LYST: variants seen among roughly 807,000 people sequenced by gnomAD.
LYST encodes lysosomal-trafficking regulator.
Under a neutral mutation model 413.6 loss-of-function variants are expected in LYST, and 192 were observed. That is an observed-to-expected ratio of 0.46 (90% CI 0.41 to 0.52). LYST has a LOEUF of 0.52. Among genes scored for constraint, LYST ranks in the 20% least tolerant of loss-of-function variants. The pLI is 0.00. For synonymous variants in LYST, 1,525 were observed against 1,567.3 expected, an observed-to-expected ratio of 0.97 and a Z score of 0.64; for missense variants, 3,815 against 4,499.9, an observed-to-expected ratio of 0.85 and a Z score of 4.35.
chr1:235,826,656 G>C (rs1011172299), intron 3 of LYST, among the ~76,000 whole-genome samples: 1 of 152,160 alleles, frequency 6.6e-6, no homozygotes, highest in Non-Finnish European at 1.5e-5. Context: ...GATCTGGGTG[G>C]TGATGACACA....
At chr1:235,852,750 T>A (rs1678689425) in intron 1 of LYST, among the ~76,000 whole-genome samples, 1 of 152,172 alleles carries the variant, frequency 6.6e-6, no homozygotes, top group African/African-American at 2.4e-5. Context: ...TACAATCAAC[T>A]TTCAGAGAGT....
chr1:235,776,623 C>T (rs1464790589), intron 17 of LYST, among the ~76,000 whole-genome samples: 1 of 151,912 alleles, frequency 6.6e-6, no homozygotes, highest in Non-Finnish European at 1.5e-5. Flanking sequence ...GAAAATGGTA[C>T]TTATGGCCTG....
chr1:235,816,727 T>C (rs533846333), intron 3 of LYST, among the ~76,000 whole-genome samples: 26 of 151,994 alleles, frequency 1.7e-4, no homozygotes, highest in African/African-American at 6.0e-4. Flanking sequence ...CAGAGACCGA[T>C]GGAACAGAAT....
intron 24 of LYST, among the ~76,000 whole-genome samples, chr1:235,757,048 G>A (rs187843528): frequency 6.4e-4 from 97 of 152,158 alleles, no homozygotes; most frequent in African/African-American, 2.3e-3. Context: ...GGGACTTAAA[G>A]CTGGATGATG....
intron 20 of LYST, among the ~76,000 whole-genome samples, chr1:235,769,894 C>A (rs1323935658): frequency 1.3e-5 from 2 of 152,036 alleles, no homozygotes; most frequent in Non-Finnish European, 2.9e-5. Flanking sequence ...AACTATTATT[C>A]TATCCCAACA....
intron 20 of LYST, among the ~76,000 whole-genome samples, chr1:235,769,116 G>T (rs1425110826): frequency 6.6e-6 from 1 of 152,038 alleles, no homozygotes; most frequent in Non-Finnish European, 1.5e-5. Flanking sequence ...TATGTACATA[G>T]TGTATAAAGG....
intron 50 of LYST, among the ~76,000 whole-genome samples, chr1:235,672,104 G>A (rs1221810361): frequency 6.6e-6 from 1 of 152,174 alleles, no homozygotes; most frequent in East Asian, 1.9e-4. Context: ...GGTGAATTCT[G>A]AAATTCAGAG....
intron 24 of LYST, among the ~76,000 whole-genome samples, chr1:235,755,998 A>AATCTATATCTAT (rs59482097): frequency 0.015 from 2,179 of 142,826 alleles, 21 homozygotes; most frequent in East Asian, 0.047. Flanking sequence ...TCTCTCTGCA[A>AATCTATATCTAT]ATCTATATCT....
rs763749796 is a variant in LYST at position 235,777,160 on chromosome 1, T to C, written c.5363A>G (p.His1788Arg). ...KEVQSILLEPHHLKNLQPTEY... is the reference protein window; with the variant it reads ...KEVQSILLEPRHLKNLQPTEY... Reference sequence around the variant, plus strand: ...AGTAGGTTGGAGATTCTTTAGATGATGAGGTTCTAATAAGATGCTCTGAAC... The same window carrying C: ...AGTAGGTTGGAGATTCTTTAGATGACGAGGTTCTAATAAGATGCTCTGAAC... The change falls in exon 17 of 53, where the codon CAT (histidine) becomes CGT (arginine). Residue 1788 changes from histidine to arginine, a missense_variant. Around this residue, in one of 4 missense-constraint regions of LYST, gnomAD observed 530 missense variants for 696.5 expected, o/e 0.76. Coordinates refer to ENST00000389793, the MANE Select transcript of LYST (RefSeq NM_000081.4). The C allele has an allele frequency of 1.1e-5, 17 of 1,613,686 alleles. No homozygotes were observed. The highest frequency in any genetic ancestry group is 1.3e-5 in the African/African-American group (1 of 75,036).
At chr1:235,738,389 T>C in intron 31 of LYST, 1 of 1,613,380 alleles carries the variant, frequency 6.2e-7, no homozygotes, top group Non-Finnish European at 8.5e-7. Context: ...CAGCCCGAAC[T>C]GCAAGTTGCT....
At chr1:235,815,593 G>C (rs1489187036) in intron 3 of LYST, among the ~76,000 whole-genome samples, 3 of 152,086 alleles carry the variant, frequency 2.0e-5, no homozygotes, top group Non-Finnish European at 4.4e-5. Flanking sequence ...AAAGTCTTAG[G>C]CTACAAAATC....
rs1034671814 is a variant in LYST at position 235,791,568 on chromosome 1, CA to C, written c.4543+130del. 60 of 782,436 alleles carry C rather than the reference CA, an allele frequency of 7.7e-5. No individual in the cohort carries two copies. In the African/African-American group the frequency reaches 8.8e-4, roughly 11 times the overall value. The allele number at this position is 782,436 out of a possible 1,614,324, so 48.5% of individuals were successfully genotyped here. ...GCTTTGATAAGTCAGGACCTACCAC[CA>C]CTAAGTAAGGCATTTAAGGTGAAGA... On this transcript the variant is annotated intron_variant, in intron 12 of 52. Coordinates refer to ENST00000389793, the MANE Select transcript of LYST (RefSeq NM_000081.4).
At position 235,715,195 on chromosome 1, in the gene LYST, T is replaced by C. The variant is rs1662727866; in HGVS notation, c.9784+6A>G. 1 of 1,613,360 alleles carries C rather than the reference T, an allele frequency of 6.2e-7. No individual in the cohort carries two copies. The highest frequency in any genetic ancestry group is 1.3e-5 in the African/African-American group (1 of 74,894). On this transcript the variant is annotated splice_donor_region_variant and intron_variant, in intron 42 of 52. Transcript: ENST00000389793. ...ATGACTTTTTAGGCAGTTATTAAAT[T>C]CTTACCTTGATAGGCTAAAAACATT...
intron 45 of LYST, among the ~76,000 whole-genome samples, chr1:235,702,106 C>T (rs12068871): frequency 0.044 from 6,677 of 152,306 alleles, 502 homozygotes; most frequent in African/African-American, 0.15. Context: ...CAAACCCTTA[C>T]AGTGCTTACA....
intron 19 of LYST, among the ~76,000 whole-genome samples, chr1:235,771,335 A>G (rs1572206161): frequency 6.6e-6 from 1 of 152,332 alleles, no homozygotes; most frequent in Non-Finnish European, 1.5e-5. Context: ...TTTCAAATCC[A>G]TAGAAGTAAT....
At chr1:235,731,646 C>A (rs1664391510) in intron 34 of LYST, among the ~76,000 whole-genome samples, 1 of 149,786 alleles carries the variant, frequency 6.7e-6, no homozygotes, top group Non-Finnish European at 1.5e-5. Flanking sequence ...GTAATTTCTG[C>A]CTCCCGGGCT....
Position 235,759,959 on chromosome 1 carries a change from C to T in LYST, c.6254-360G>A, listed in dbSNP as rs535489660. ...ATGCCAAAACTATTTTTATTTTAAC[C>T]ACTTTTTATTAATATCTTCCCAAAA... is the stretch of plus-strand genomic sequence containing the variant. On this transcript the variant is annotated intron_variant, in intron 22 of 52. Transcript: ENST00000389793. Among the ~76,000 whole-genome samples, 4 of 152,140 alleles carry T rather than the reference C, an allele frequency of 2.6e-5. No homozygotes were observed. The East Asian group carries it at 7.7e-4, about 29-fold the overall frequency.
chr1:235,880,079 C>A (rs975531300), intron 1 of LYST, among the ~76,000 whole-genome samples: 4 of 152,128 alleles, frequency 2.6e-5, no homozygotes, highest in Non-Finnish European at 5.9e-5. Context: ...ACTCTTGTCT[C>A]GTTTTTTCTT....
At chr1:235,850,573 C>G (rs1408943410) in intron 1 of LYST, among the ~76,000 whole-genome samples, 1 of 152,178 alleles carries the variant, frequency 6.6e-6, no homozygotes, top group East Asian at 1.9e-4. Context: ...AAGTAACAGT[C>G]AGCAGAGTAA....
Sources: allele counts gnomAD v4.1 joint callset (sites outside exome capture counted in the v4.1 genomes callset), GRCh38; gene constraint gnomAD v4.1.1; regional missense constraint gnomAD v4.1.1; transcripts MANE v1.5; gene names NCBI Gene and HGNC (gene_info 2026-07-23, HGNC 2026-07-21).